The following NMNAT2 variants were observed in gnomAD, a reference collection of about 807,000 sequenced individuals.
NMNAT2 encodes the protein nicotinamide nucleotide adenylyltransferase 2.
In NMNAT2, 11 loss-of-function variants were observed where a neutral mutation model predicts 41.6. That is an observed-to-expected ratio of 0.26 (90% CI 0.17 to 0.44). The LOEUF is 0.44. NMNAT2 is among the 20% of genes least tolerant of loss of function. NMNAT2 has a pLI of 1.00. For synonymous variants in NMNAT2, 148 were observed against 151.2 expected (o/e 0.98, Z 0.16); for missense variants, 288 against 407.7 (o/e 0.71, Z 2.53).
intron 1 of NMNAT2, among the ~76,000 whole-genome samples, chr1:183,326,408 G>A (rs1662465090): frequency 1.3e-5 from 2 of 150,404 alleles, no homozygotes; most frequent in South Asian, 4.2e-4. Context: ...AAAAGACAGG[G>A]GAAGAGAACT....
chr1:183,259,543 A>C (rs1186340448), intron 10 of NMNAT2, among the ~76,000 whole-genome samples: 1 of 152,070 alleles, frequency 6.6e-6, no homozygotes, highest in Non-Finnish European at 1.5e-5. Flanking sequence ...AAATGTTTGC[A>C]ATGTTCCCCA....
At chr1:183,316,983 T>C (rs1662267485) in intron 1 of NMNAT2, among the ~76,000 whole-genome samples, 1 of 152,178 alleles carries the variant, frequency 6.6e-6, no homozygotes, top group Non-Finnish European at 1.5e-5. Flanking sequence ...AGTCAGACAC[T>C]ACTAATCACT....
intron 5 of NMNAT2, among the ~76,000 whole-genome samples, chr1:183,285,931 C>T (rs1571573836): frequency 1.3e-5 from 2 of 152,220 alleles, no homozygotes; most frequent in Non-Finnish European, 1.5e-5. Flanking sequence ...ATTCTGGGTG[C>T]GGACCGCCTG....
At chr1:183,351,347 A>G (rs1663043047) in intron 1 of NMNAT2, among the ~76,000 whole-genome samples, 1 of 152,090 alleles carries the variant, frequency 6.6e-6, no homozygotes, top group Non-Finnish European at 1.5e-5. Context: ...AGCTTTTTCC[A>G]TCAAAGTGGC....
intron 1 of NMNAT2, among the ~76,000 whole-genome samples, chr1:183,341,856 G>A (rs1662823893): frequency 6.6e-6 from 1 of 151,208 alleles, no homozygotes; most frequent in Admixed American, 6.6e-5. Flanking sequence ...ACACAGGAAA[G>A]TATATCAAAG....
At chr1:183,286,247 ATTG>A (rs1558117101) in intron 5 of NMNAT2, among the ~76,000 whole-genome samples, 1 of 151,652 alleles carries the variant, frequency 6.6e-6, no homozygotes, top group Admixed American at 6.6e-5. Context: ...AATTTTTGTT[ATTG>A]TTATTATTAT....
At chr1:183,260,975 G>A in intron 10 of NMNAT2, 27 bp downstream of exon 10, 1 of 1,580,898 alleles carries the variant, frequency 6.3e-7, no homozygotes, top group Non-Finnish European at 8.7e-7. Flanking sequence ...TTTGACTAAA[G>A]TCTCTCTGGC....
intron 8 of NMNAT2, among the ~76,000 whole-genome samples, chr1:183,273,264 A>G (rs1196859635): frequency 6.6e-6 from 1 of 152,210 alleles, no homozygotes; most frequent in East Asian, 1.9e-4. Context: ...TGAATTGTTC[A>G]TTGCTCAATT....
chr1:183,284,837 C>G, intron 5 of NMNAT2, 47 bp from the exon 6 acceptor site: 2 of 1,509,040 alleles, frequency 1.3e-6, no homozygotes, highest in South Asian at 2.2e-5. Context: ...GAGAGAACAA[C>G]TCACAACTGG....
chr1:183,318,737 T>G (rs2102328964), intron 1 of NMNAT2, among the ~76,000 whole-genome samples: 1 of 152,316 alleles, frequency 6.6e-6, no homozygotes, highest in East Asian at 1.9e-4. Context: ...AGTCCCAAAC[T>G]GCTGACCTCT....
intron 1 of NMNAT2, among the ~76,000 whole-genome samples, chr1:183,333,922 A>G (rs1452274380): frequency 6.6e-6 from 1 of 152,206 alleles, no homozygotes; most frequent in Non-Finnish European, 1.5e-5. Context: ...GGATCCACCA[A>G]TGCTGTCTAA....
At chr1:183,384,255 C>A (rs1381743001) in intron 1 of NMNAT2, among the ~76,000 whole-genome samples, 4 of 152,168 alleles carry the variant, frequency 2.6e-5, no homozygotes, top group Non-Finnish European at 5.9e-5. Flanking sequence ...GGATGGAGAG[C>A]AGTGGCACGA....
In NMNAT2 at chr1:183,327,308, G is replaced by A. The variant is rs1177742539; in HGVS notation, c.86-33515C>T. ...TGACCTCAAGTGATCCGCCTGCCTC[G>A]GCCTTCCAAAGTGCTGGGATTACAG... On this transcript the variant is annotated intron_variant, in intron 1 of 10. Coordinates refer to ENST00000287713, the MANE Select transcript of NMNAT2 (RefSeq NM_015039.4). Among the ~76,000 whole-genome samples, 9 of 151,968 alleles carry A rather than the reference G, an allele frequency of 5.9e-5. No individual in the cohort carries two copies. In the East Asian group the frequency reaches 1.2e-3, roughly 20 times the overall value.
chr1:183,406,473 G>T (rs1286600664), intron 1 of NMNAT2, among the ~76,000 whole-genome samples: 1 of 152,150 alleles, frequency 6.6e-6, no homozygotes, highest in African/African-American at 2.4e-5. Flanking sequence ...CTTAAAAAAA[G>T]TGCAATTGTG....
At chr1:183,417,495 C>T (rs1649287970) in intron 1 of NMNAT2, among the ~76,000 whole-genome samples, 1 of 152,200 alleles carries the variant, frequency 6.6e-6, no homozygotes, top group African/African-American at 2.4e-5. Context: ...CTCCCGCAGC[C>T]TCCGCCCGGC....
chr1:183,294,423 C>T (rs987629379), intron 1 of NMNAT2, among the ~76,000 whole-genome samples: 3 of 152,118 alleles, frequency 2.0e-5, no homozygotes, highest in South Asian at 2.1e-4. Context: ...ATTTTATTTT[C>T]GCAATAAATT....
intron 8 of NMNAT2, among the ~76,000 whole-genome samples, chr1:183,263,190 G>A (rs1660707103): frequency 6.6e-6 from 1 of 152,164 alleles, no homozygotes; most frequent in Non-Finnish European, 1.5e-5. Context: ...GTCTTAGGAG[G>A]AATGTCGTAG....
Position 183,304,079 on chromosome 1 carries a change from T to C in NMNAT2, c.86-10286A>G, listed in dbSNP as rs75247484. On this transcript the variant is annotated intron_variant, in intron 1 of 10. Coordinates refer to ENST00000287713, the MANE Select transcript of NMNAT2 (RefSeq NM_015039.4). ...CAGCATCTTCCCAGGCCTGTGTCTG[T>C]GACTCATGATGGCAGCTGGATTTCC... is the stretch of plus-strand genomic sequence containing the variant. 2.0e-5 allele frequency among the ~76,000 whole-genome samples: 3 copies of C among 152,382 alleles called. No individual in the cohort carries two copies. In the East Asian group the frequency reaches 5.8e-4, roughly 29 times the overall value.
Position 183,307,318 on chromosome 1 carries a change from T to C in NMNAT2, c.86-13525A>G, listed in dbSNP as rs544199312. Among the ~76,000 whole-genome samples the C allele has an allele frequency of 1.4e-3, 216 of 152,106 alleles. 2 individuals carry two copies. The highest frequency in any genetic ancestry group is 3.4e-3 in the Middle Eastern group (1 of 294). On this transcript the variant is annotated intron_variant, in intron 1 of 10. Coordinates refer to ENST00000287713, the MANE Select transcript of NMNAT2 (RefSeq NM_015039.4). Reference sequence around the variant, plus strand: ...CCAAACAAAGGGTTCTTTTTTTTTTTTTTTTGAGATGGAGTTTGGTTCTTG... The same window carrying C: ...CCAAACAAAGGGTTCTTTTTTTTTTCTTTTTGAGATGGAGTTTGGTTCTTG...
Sources: gnomAD v4.1 joint callset for allele counts (sites outside exome capture counted in the v4.1 genomes callset) on GRCh38, gnomAD v4.1.1 for gene constraint, MANE v1.5 for transcripts, NCBI Gene and HGNC (gene_info 2026-07-23, HGNC 2026-07-21) for gene names.